COMMD1: variants seen among roughly 807,000 people sequenced by gnomAD.
COMMD1 encodes the protein copper metabolism domain containing 1.
In COMMD1, 10 loss-of-function variants were observed where a neutral mutation model predicts 17.2. That is an observed-to-expected ratio of 0.58 (90% confidence interval 0.36 to 0.99). The LOEUF (loss-of-function observed/expected upper bound fraction) is 0.99. Ranked by LOEUF, COMMD1 falls within the 50% of genes least tolerant of loss-of-function variation. COMMD1 has a pLI of 0.01. For missense variants in COMMD1, 270 were observed against 231.8 expected (o/e 1.17, Z -1.07); for synonymous variants, 97 against 91.6 (o/e 1.06, Z -0.34).
At chr2:62,066,074 T>C (rs146678804) in intron 2 of COMMD1, among the ~76,000 whole-genome samples, 3 of 152,326 alleles carry the variant, frequency 2.0e-5, no homozygotes, top group African/African-American at 7.2e-5. Context: ...GCAGTGAAAC[T>C]GGCATTACTG....
At chr2:61,988,018 TGTG>T (rs1347995265) in intron 1 of COMMD1, among the ~76,000 whole-genome samples, 1 of 152,180 alleles carries the variant, frequency 6.6e-6, no homozygotes, top group Non-Finnish European at 1.5e-5. Context: ...TCAGTCAGCT[TGTG>T]GTGAATGCTT....
chr2:61,940,756 G>A (rs1670722835), intron 1 of COMMD1, among the ~76,000 whole-genome samples: 1 of 148,280 alleles, frequency 6.7e-6, no homozygotes, highest in Non-Finnish European at 1.5e-5. Flanking sequence ...CGAACTCCTC[G>A]GCTCACTGCA....
chr2:61,945,703 A>G (rs1216235744), intron 1 of COMMD1, among the ~76,000 whole-genome samples: 1 of 152,218 alleles, frequency 6.6e-6, no homozygotes, highest in East Asian at 1.9e-4. Flanking sequence ...GAGACATAAT[A>G]CATCAATCAA....
At chr2:61,976,249 A>C (rs1221211974) in intron 1 of COMMD1, among the ~76,000 whole-genome samples, 1 of 152,044 alleles carries the variant, frequency 6.6e-6, no homozygotes, top group African/African-American at 2.4e-5. Flanking sequence ...TCAAAAGACA[A>C]ATACCCAACT....
At chr2:62,131,780 C>A (rs1263033447) in intron 2 of COMMD1, among the ~76,000 whole-genome samples, 1 of 151,978 alleles carries the variant, frequency 6.6e-6, no homozygotes, top group Non-Finnish European at 1.5e-5. Flanking sequence ...TGGGCTCAAG[C>A]AATTCACCTG....
chr2:62,084,281 A>G lies in COMMD1; in HGVS notation c.463-51550A>G, dbSNP rs371352460. ...CTCAAAAACTTAACTACTAATAGCC[A>G]GAAGTAGTTAAGTTCTAACCAGAAG... On this transcript the variant is annotated intron_variant, in intron 2 of 2. Coordinates refer to ENST00000311832, the MANE Select transcript of COMMD1 (RefSeq NM_152516.4). Among the ~76,000 whole-genome samples the G allele has an allele frequency of 2.6e-5, 4 of 152,362 alleles. No individual in the cohort carries two copies. In the East Asian group the frequency reaches 7.7e-4, roughly 29 times the overall value.
At chr2:61,937,055 G>A (rs1025919912) in intron 1 of COMMD1, among the ~76,000 whole-genome samples, 2 of 152,186 alleles carry the variant, frequency 1.3e-5, no homozygotes, top group African/African-American at 4.8e-5. Flanking sequence ...TTGGTAATTG[G>A]TTGAAAGATT....
intron 2 of COMMD1, among the ~76,000 whole-genome samples, chr2:62,011,136 A>G (rs572131099): frequency 9.3e-5 from 14 of 151,248 alleles, no homozygotes; most frequent in Non-Finnish European, 1.5e-4. Context: ...GTTTTTTTTA[A>G]TCACCTTCTC....
At chr2:61,932,263 A>G (rs1572975140) in intron 1 of COMMD1, among the ~76,000 whole-genome samples, 1 of 152,248 alleles carries the variant, frequency 6.6e-6, no homozygotes, top group Admixed American at 6.5e-5. Context: ...AAGTGGATTT[A>G]TAAATCCAGT....
intron 1 of COMMD1, among the ~76,000 whole-genome samples, chr2:61,940,541 G>A (rs1670716723): frequency 6.6e-6 from 1 of 152,100 alleles, no homozygotes; most frequent in African/African-American, 2.4e-5. Flanking sequence ...AGGCCTTTTC[G>A]TCAAATTTAT....
chr2:61,908,319 C>T (rs946340994), intron 1 of COMMD1, among the ~76,000 whole-genome samples: 3 of 151,756 alleles, frequency 2.0e-5, no homozygotes, highest in East Asian at 1.9e-4. Context: ...CTCCACCTCC[C>T]GGGTTTAAGT....
intron 2 of COMMD1, among the ~76,000 whole-genome samples, chr2:62,056,039 C>A (rs1363879006): frequency 6.6e-6 from 1 of 152,200 alleles, no homozygotes; most frequent in Non-Finnish European, 1.5e-5. Flanking sequence ...TGAATGATTA[C>A]ATATCAGGAA....
intron 1 of COMMD1, among the ~76,000 whole-genome samples, chr2:61,940,610 C>T (rs1670718440): frequency 6.6e-6 from 1 of 152,162 alleles, no homozygotes; most frequent in African/African-American, 2.4e-5. Flanking sequence ...ATAACCTTTG[C>T]TGCCTTAAAA....
rs1048368804 is a variant in COMMD1 at position 61,893,746 on chromosome 2, G to A, written n.119+4904G>A. ...GGAGAATTGCTTGAACCTGGCAGGCGGAGGTTGCAGTGAGCTGAAATCACA... is the reference window on the plus strand; with the variant it reads ...GGAGAATTGCTTGAACCTGGCAGGCAGAGGTTGCAGTGAGCTGAAATCACA... On this transcript the variant is annotated intron_variant and non_coding_transcript_variant, in intron 1 of 2. Transcript: ENST00000472729. Among the ~76,000 whole-genome samples the A allele has an allele frequency of 5.9e-5, 9 of 151,994 alleles. No homozygotes were observed. In the South Asian group the frequency reaches 1.0e-3, roughly 18 times the overall value.
intron 1 of COMMD1, among the ~76,000 whole-genome samples, chr2:61,953,134 T>G (rs1572996702): frequency 6.7e-6 from 1 of 148,798 alleles, no homozygotes; most frequent in African/African-American, 2.5e-5. Flanking sequence ...CTCAGCCTCC[T>G]GAGTAGCTGG....
chr2:62,063,868 A>AACATATAT (rs1298677997), intron 2 of COMMD1, among the ~76,000 whole-genome samples: 1 of 81,176 alleles, frequency 1.2e-5, no homozygotes, highest in African/African-American at 4.9e-5. Context: ...GTCTCTACAA[A>AACATATAT]ATATATATAT....
intron 2 of COMMD1, among the ~76,000 whole-genome samples, chr2:62,030,692 G>C (rs778554768): frequency 6.6e-6 from 1 of 151,644 alleles, no homozygotes; most frequent in African/African-American, 2.4e-5. Flanking sequence ...TGTCATATAC[G>C]GTCTCTTAAT....
intron 2 of COMMD1, among the ~76,000 whole-genome samples, chr2:62,012,160 G>C (rs1669295664): frequency 6.6e-6 from 1 of 151,838 alleles, no homozygotes; most frequent in South Asian, 2.1e-4. Context: ...GGGAGGCTGA[G>C]GAACGAGAAT....
intron 1 of COMMD1, among the ~76,000 whole-genome samples, chr2:61,947,910 C>T (rs955162607): frequency 2.0e-5 from 3 of 151,516 alleles, no homozygotes; most frequent in Non-Finnish European, 4.4e-5. Context: ...AGAACAGAGA[C>T]TCAATTTGAT....
Sources: gnomAD v4.1 joint callset for allele counts (sites outside exome capture counted in the v4.1 genomes callset) on GRCh38, gnomAD v4.1.1 for gene constraint, MANE v1.5 for transcripts, NCBI Gene and HGNC (gene_info 2026-07-23, HGNC 2026-07-21) for gene names.